Variants in WDPCP observed in about 807,000 individuals in gnomAD.
The protein encoded by WDPCP is WD repeat-containing and planar cell polarity effector protein fritz homolog.
A neutral mutation model predicts 93.1 loss-of-function variants in WDPCP; 71 were observed. That is an observed-to-expected ratio of 0.76 (90% CI 0.63 to 0.93). The LOEUF (loss-of-function observed/expected upper bound fraction) is 0.93, where lower values mean the gene tolerates loss of function less well. Among genes scored for constraint, WDPCP ranks in the 40% least tolerant of loss-of-function variants. The probability of loss-of-function intolerance (pLI) is 0.00; values close to 1 mark genes in which losing one functional copy is unlikely to be tolerated. For missense variants in WDPCP, 844 were observed against 887.4 expected, an observed-to-expected ratio of 0.95 and a Z score of 0.62; for synonymous variants, 315 against 315.0, an observed-to-expected ratio of 1.00 and a Z score of 0.00.
intron 1 of WDPCP, among the ~76,000 whole-genome samples, chr2:63,528,655 T>A (rs927284685): frequency 1.3e-5 from 2 of 152,224 alleles, no homozygotes; most frequent in African/African-American, 4.8e-5. Flanking sequence ...GCATGATGCC[T>A]CCAGCTTTGT....
At chr2:63,335,961 C>T (rs1246174996) in intron 12 of WDPCP, among the ~76,000 whole-genome samples, 1 of 152,170 alleles carries the variant, frequency 6.6e-6, no homozygotes, top group Non-Finnish European at 1.5e-5. Context: ...CCCACCAGCG[C>T]CATGACAGTT....
chr2:63,800,473 G>A (rs1670679429), intron 2 of WDPCP, among the ~76,000 whole-genome samples: 1 of 152,044 alleles, frequency 6.6e-6, no homozygotes, highest in African/African-American at 2.4e-5. Context: ...GCATAGTAAG[G>A]AGAGTTGTAT....
rs529456199 is a variant in WDPCP, at chr2:63,555,819, C to CA, written c.75+32377dup. ...GGAACAACAACAACAACAGCATCAACAAAAAAAGTCCCCAAAAAACCCCAT... is the reference window on the plus strand; with the variant it reads ...GGAACAACAACAACAACAGCATCAACAAAAAAAAGTCCCCAAAAAACCCCAT... On this transcript the variant is annotated intron_variant, in intron 1 of 17. Transcript: ENST00000272321. Among the ~76,000 whole-genome samples the CA allele has an allele frequency of 7.9e-5, 12 of 152,106 alleles. No individual in the cohort carries two copies. The South Asian group carries it at 2.3e-3, about 29-fold the overall frequency.
intron 17 of WDPCP, among the ~76,000 whole-genome samples, chr2:63,148,534 A>C (rs1271352892): frequency 6.6e-6 from 1 of 151,556 alleles, no homozygotes. Context: ...TTTTTGTTTT[A>C]GTAGAGACAG....
intron 1 of WDPCP, among the ~76,000 whole-genome samples, chr2:63,552,940 T>C (rs1222716359): frequency 1.3e-5 from 2 of 152,206 alleles, no homozygotes; most frequent in East Asian, 3.9e-4. Context: ...TACTAAGCAG[T>C]GAAGTTAAGA....
At chr2:63,453,054 C>T (rs552655200) in intron 6 of WDPCP, among the ~76,000 whole-genome samples, 11 of 152,314 alleles carry the variant, frequency 7.2e-5, no homozygotes, top group South Asian at 2.1e-4. Flanking sequence ...ATGTCTAAAA[C>T]GCCAAAAGCA....
At chr2:63,159,755 T>C (rs960044413) in intron 15 of WDPCP, among the ~76,000 whole-genome samples, 1 of 152,212 alleles carries the variant, frequency 6.6e-6, no homozygotes. Flanking sequence ...GTGTGTACCA[T>C]CCAGTAGCAA....
chr2:63,354,473 C>T (rs1045760408), intron 12 of WDPCP, among the ~76,000 whole-genome samples: 3 of 152,202 alleles, frequency 2.0e-5, no homozygotes, highest in African/African-American at 4.8e-5. Flanking sequence ...GGAACCCACA[C>T]ATTCAGAGCA....
upstream of WDPCP, chr2:63,588,667 A>C (rs2278718): frequency 0.21 from 96,438 of 468,776 alleles, 11,904 homozygotes; most frequent in Non-Finnish European, 0.24. Context: ...TACACACGCT[A>C]TCTCTCCCGC....
rs921892177 is a variant in WDPCP, at chr2:63,121,393, T to C, written c.*613A>G. ...TTTCTTTTCTTTCTTTTTTTTTTTT[T>C]TTTTTTTTGGAGACAGGGTCACTCT... On this transcript the variant is annotated 3_prime_UTR_variant, in exon 18 of 18. Coordinates refer to ENST00000272321, the MANE Select transcript of WDPCP (RefSeq NM_015910.7). 5 of 146,828 alleles carry C rather than the reference T, an allele frequency of 3.4e-5. No homozygotes were observed. The highest frequency in any genetic ancestry group is 1.3e-4 in the African/African-American group (5 of 39,846). The allele number at this position is 146,828 out of a possible 1,614,324, so 9.1% of individuals were successfully genotyped here. A position where few individuals can be genotyped will look rare whatever the true frequency, so the allele number is the denominator to read the frequency against.
intron 1 of WDPCP, among the ~76,000 whole-genome samples, chr2:63,557,533 G>T (rs1187217740): frequency 6.6e-6 from 1 of 152,166 alleles, no homozygotes; most frequent in African/African-American, 2.4e-5. Context: ...GACCTACAAA[G>T]AGACTTAGAC....
chr2:63,576,701 T>G (rs1055867401), intron 1 of WDPCP, among the ~76,000 whole-genome samples: 1 of 152,290 alleles, frequency 6.6e-6, no homozygotes, highest in Non-Finnish European at 1.5e-5. Context: ...CACAGTTGGC[T>G]CCTCTGGCAA....
chr2:63,789,856 G>A (rs1670520558), intron 2 of WDPCP, among the ~76,000 whole-genome samples: 1 of 152,098 alleles, frequency 6.6e-6, no homozygotes, highest in South Asian at 2.1e-4. Flanking sequence ...ATGTGAATAG[G>A]ATTACATCAA....
At chr2:63,492,785 C>A in intron 2 of WDPCP, 71 bp downstream of exon 2, 1 of 1,402,176 alleles carries the variant, frequency 7.1e-7, no homozygotes, top group South Asian at 1.2e-5. Flanking sequence ...AGGCTCTAAC[C>A]TTTGCTAGTA....
At chr2:63,579,368 G>A (rs540467697) in intron 1 of WDPCP, among the ~76,000 whole-genome samples, 2 of 152,282 alleles carry the variant, frequency 1.3e-5, no homozygotes, top group South Asian at 4.1e-4. Context: ...ACAGCACTTC[G>A]GGAGGCCAAG....
At chr2:63,423,898 G>A (rs529292197) in intron 9 of WDPCP, among the ~76,000 whole-genome samples, 3 of 152,276 alleles carry the variant, frequency 2.0e-5, no homozygotes, top group African/African-American at 7.2e-5. Context: ...CTACCACTGA[G>A]AGAGACGAAA....
At chr2:63,629,904 T>A (rs1332800261) in intron 3 of WDPCP, among the ~76,000 whole-genome samples, 2 of 152,204 alleles carry the variant, frequency 1.3e-5, no homozygotes, top group Admixed American at 6.5e-5. Context: ...GAAAATTACT[T>A]GTCACACCAT....
intron 13 of WDPCP, among the ~76,000 whole-genome samples, chr2:63,306,959 T>C (rs1056544831): frequency 3.9e-5 from 6 of 152,176 alleles, no homozygotes; most frequent in African/African-American, 1.4e-4. Flanking sequence ...ATTGTCTCTG[T>C]TTGCAGATGA....
intron 14 of WDPCP, among the ~76,000 whole-genome samples, chr2:63,251,541 G>T (rs776716892): frequency 6.8e-6 from 1 of 147,040 alleles, no homozygotes; most frequent in Non-Finnish European, 1.5e-5. Flanking sequence ...GTCGAGGCTG[G>T]AGTGCAGTGG....
Sources: allele counts gnomAD v4.1 joint callset (sites outside exome capture counted in the v4.1 genomes callset), GRCh38; gene constraint gnomAD v4.1.1; transcripts MANE v1.5; gene names NCBI Gene and HGNC (gene_info 2026-07-23, HGNC 2026-07-21).